Variants in TCAIM observed in about 807,000 individuals in gnomAD.
TCAIM encodes the protein T cell activation inhibitor, mitochondrial, also known as T-cell activation inhibitor, mitochondrial.
TCAIM carries 36 observed loss-of-function variants against 58.6 expected under a neutral mutation model. The observed-to-expected ratio is 0.61, with a 90% CI of 0.47 to 0.81. The LOEUF is 0.81. Among genes scored for constraint, TCAIM ranks in the 30% least tolerant of loss-of-function variants. The pLI, the probability that TCAIM is intolerant of heterozygous loss-of-function variation, is 0.00. For missense variants in TCAIM, 466 were observed against 579.6 expected (o/e 0.80, Z 2.01); for synonymous variants, 172 against 193.6 (o/e 0.89, Z 0.93).
At position 44,372,915 on chromosome 3, in the gene TCAIM, A is replaced by G. The variant is rs370934732; in HGVS notation, c.572+5207A>G. On this transcript the variant is annotated intron_variant, in intron 5 of 10. Coordinates refer to ENST00000342649, the MANE Select transcript of TCAIM (RefSeq NM_173826.4). ...GGCCCAAAATTTTCTTTTTAATTAA[A>G]TCTTTAAAGCAAGTTAAGATGGTTT... Among the ~76,000 whole-genome samples, 18 of 152,228 alleles carry G rather than the reference A, an allele frequency of 1.2e-4. No homozygotes were observed. The East Asian group carries it at 3.1e-3, about 26-fold the overall frequency.
At chr3:44,395,020 C>T (rs1701912310) in intron 6 of TCAIM, among the ~76,000 whole-genome samples, 1 of 129,126 alleles carries the variant, frequency 7.7e-6, no homozygotes, top group Non-Finnish European at 1.6e-5. Flanking sequence ...GTCCCTGAGA[C>T]CATAACATTT....
chr3:44,369,722 G>T (rs891723931), intron 5 of TCAIM, among the ~76,000 whole-genome samples: 1 of 151,900 alleles, frequency 6.6e-6, no homozygotes, highest in Non-Finnish European at 1.5e-5. Context: ...TATTACATTC[G>T]ACTATATGAG....
intron 5 of TCAIM, among the ~76,000 whole-genome samples, chr3:44,371,731 C>T (rs1701473100): frequency 6.6e-6 from 1 of 152,124 alleles, no homozygotes; most frequent in South Asian, 2.1e-4. Context: ...ATGAGCATTG[C>T]CCAGTTTGAA....
intron 5 of TCAIM, among the ~76,000 whole-genome samples, chr3:44,377,143 G>A (rs1046611170): frequency 3.3e-5 from 5 of 152,140 alleles, no homozygotes; most frequent in Non-Finnish European, 5.9e-5. Context: ...GCCATCTACA[G>A]AAGAGTCACT....
At chr3:44,380,390 T>A (rs529080282) in intron 5 of TCAIM, among the ~76,000 whole-genome samples, 19 of 152,272 alleles carry the variant, frequency 1.2e-4, no homozygotes, top group African/African-American at 4.3e-4. Flanking sequence ...CTGAAAATTT[T>A]AAAAAAATGT....
At position 44,357,876 on chromosome 3, in the gene TCAIM, G is replaced by A. The variant is rs1231172180; in HGVS notation, c.165G>A (p.Arg55=). ...PDFFGQHPVE[R]EINENSLKRL... ...TCTTTGGACAGCACCCCGTAGAAAGGGTAAACATTTATTTATTTTTAAACC... is the reference window on the plus strand; with the variant it reads ...TCTTTGGACAGCACCCCGTAGAAAGAGTAAACATTTATTTATTTTTAAACC... The change falls in exon 3 of 11, where the codon AGG becomes AGA. Residue 55 remains arginine (R), a splice_region_variant and synonymous_variant. Transcript: ENST00000342649. 11 of 1,611,940 alleles carry A rather than the reference G, an allele frequency of 6.8e-6. No homozygotes were observed. The highest frequency in any genetic ancestry group is 1.3e-5 in the African/African-American group (1 of 74,776).
At chr3:44,374,335 A>T (rs1701530997) in intron 5 of TCAIM, among the ~76,000 whole-genome samples, 1 of 149,682 alleles carries the variant, frequency 6.7e-6, no homozygotes, top group African/African-American at 2.5e-5. Flanking sequence ...CATTTCTAGT[A>T]GTAAGTTTAA....
At chr3:44,358,939 C>T (rs906164430) in intron 3 of TCAIM, 13 of 985,282 alleles carry the variant, frequency 1.3e-5, no homozygotes, top group Non-Finnish European at 1.6e-5. Context: ...TACTCAAAGT[C>T]AGAACTTTTC....
At chr3:44,383,079 C>A (rs544311144) in intron 5 of TCAIM, among the ~76,000 whole-genome samples, 9 of 152,068 alleles carry the variant, frequency 5.9e-5, no homozygotes, top group African/African-American at 2.2e-4. Context: ...TATCCAAAAA[C>A]CAAAATAACA....
intron 1 of TCAIM, among the ~76,000 whole-genome samples, chr3:44,347,384 G>A (rs762777957): frequency 4.6e-5 from 7 of 152,192 alleles, no homozygotes; most frequent in Non-Finnish European, 8.8e-5. Context: ...AATGGGGGCT[G>A]TCCCTGAAGG....
chr3:44,360,188 TC>T (rs773177986), intron 3 of TCAIM, among the ~76,000 whole-genome samples: 1 of 152,166 alleles, frequency 6.6e-6, no homozygotes, highest in Non-Finnish European at 1.5e-5. Flanking sequence ...TGTTTTTTTT[TC>T]CTTTCCATGT....
At chr3:44,354,885 T>C in intron 2 of TCAIM, 74 bp downstream of exon 2, 1 of 1,504,120 alleles carries the variant, frequency 6.6e-7, no homozygotes. Context: ...TTTATTTCAG[T>C]TTGTTATTAT....
chr3:44,388,600 G>A (rs1313277266), intron 5 of TCAIM, among the ~76,000 whole-genome samples: 10 of 152,016 alleles, frequency 6.6e-5, no homozygotes, highest in Admixed American at 6.6e-5. Flanking sequence ...TTCTGTTAAG[G>A]AGATATTTAG....
At position 44,403,903 on chromosome 3, in the gene TCAIM, C is replaced by G. The variant is rs577696384; in HGVS notation, c.1250+2569C>G. ...CTTCAGGCTTCCACACTCAGCATCT[C>G]CCCAACCCCGCAGTGGACTCTCGTC... On this transcript the variant is annotated intron_variant, in intron 10 of 10. Transcript: ENST00000342649. Among the ~76,000 whole-genome samples, 9 of 152,204 alleles carry G rather than the reference C, an allele frequency of 5.9e-5. No homozygotes were observed. The East Asian group carries it at 1.7e-3, about 29-fold the overall frequency.
Position 44,404,483 on chromosome 3 carries a change from A to G in TCAIM, c.1251-2959A>G, listed in dbSNP as rs548960826. 5.3e-5 allele frequency among the ~76,000 whole-genome samples: 8 copies of G among 151,844 alleles called. No homozygotes were observed. The South Asian group carries it at 1.7e-3, about 32-fold the overall frequency. ...TCTGGGCCCCAGAGTCCTCATCCCTATACTTAGCCCCCAAGAAGAGAAAGC... is the reference window on the plus strand; with the variant it reads ...TCTGGGCCCCAGAGTCCTCATCCCTGTACTTAGCCCCCAAGAAGAGAAAGC... On this transcript the variant is annotated intron_variant, in intron 10 of 10. Coordinates refer to ENST00000342649, the MANE Select transcript of TCAIM (RefSeq NM_173826.4).
At chr3:44,399,623 C>T (rs1575280154) in intron 8 of TCAIM, among the ~76,000 whole-genome samples, 1 of 152,252 alleles carries the variant, frequency 6.6e-6, no homozygotes, top group South Asian at 2.1e-4. Context: ...ACATGCTGTT[C>T]CTTTTCATGG....
chr3:44,379,652 T>C (rs1211303098), intron 5 of TCAIM, among the ~76,000 whole-genome samples: 9 of 152,062 alleles, frequency 5.9e-5, no homozygotes, highest in African/African-American at 2.2e-4. Flanking sequence ...TGTCCTCACT[T>C]ATAAGTGGGA....
At chr3:44,350,969 G>A (rs1240991642) in intron 1 of TCAIM, among the ~76,000 whole-genome samples, 1 of 152,120 alleles carries the variant, frequency 6.6e-6, no homozygotes, top group Non-Finnish European at 1.5e-5. Flanking sequence ...AGGTAACACT[G>A]AACCTTCAAA....
chr3:44,376,374 T>C (rs1250442895), intron 5 of TCAIM, among the ~76,000 whole-genome samples: 3 of 152,226 alleles, frequency 2.0e-5, no homozygotes, highest in Non-Finnish European at 4.4e-5. Context: ...ATTAAAAGTA[T>C]TATTAGTTTA....
Sources: allele counts gnomAD v4.1 joint callset (sites outside exome capture counted in the v4.1 genomes callset), GRCh38; gene constraint gnomAD v4.1.1; transcripts MANE v1.5; gene names NCBI Gene and HGNC (gene_info 2026-07-23, HGNC 2026-07-21).